The following MYO6 variants were observed in gnomAD, a reference collection of about 807,000 sequenced individuals.
MYO6 encodes the protein unconventional myosin-VI.
In MYO6, 74 loss-of-function variants were observed where a neutral mutation model predicts 178.7. That is an observed-to-expected ratio of 0.41 (90% confidence interval 0.34 to 0.50). The LOEUF (loss-of-function observed/expected upper bound fraction) is 0.50. Among genes scored for constraint, MYO6 ranks in the 20% least tolerant of loss-of-function variants. The pLI is 0.09. For synonymous variants in MYO6, 477 were observed against 504.6 expected, an observed-to-expected ratio of 0.95 and a Z score of 0.73; for missense variants, 1,330 against 1,547.4, an observed-to-expected ratio of 0.86 and a Z score of 2.36.
At chr6:75,749,588 C>A (rs1311365933) in intron 1 of MYO6, among the ~76,000 whole-genome samples, 165 bp downstream of exon 1, 3 of 152,158 alleles carry the variant, frequency 2.0e-5, no homozygotes, top group Admixed American at 6.5e-5. Flanking sequence ...GGGCCCTGGG[C>A]AGCAGTGGGG....
intron 1 of MYO6, among the ~76,000 whole-genome samples, chr6:75,754,861 C>A (rs983280812): frequency 2.0e-5 from 3 of 152,094 alleles, no homozygotes; most frequent in Non-Finnish European, 4.4e-5. Flanking sequence ...TGCATTTGGT[C>A]CTTAAAACAA....
rs1248162413 is a variant in MYO6 at position 75,855,044 on chromosome 6, G to GT, written c.1079-89dup. ...ACAAATAAGCCTTGCCTATTATATG[G>GT]TTTTTTGTAAGTGAAGTATAATTCT... On this transcript the variant is annotated intron_variant, in intron 11 of 34. Transcript: ENST00000369977. 4 of 1,159,756 alleles carry GT rather than the reference G, an allele frequency of 3.4e-6. No individual in the cohort carries two copies. In the South Asian group the frequency reaches 5.5e-5, roughly 16 times the overall value. The allele number at this position is 1,159,756 out of a possible 1,614,324, so 71.8% of individuals were successfully genotyped here. A position where few individuals can be genotyped will look rare whatever the true frequency, so the allele number is the denominator to read the frequency against.
chr6:75,785,378 C>A lies in MYO6; in HGVS notation c.-47-32123C>A, dbSNP rs150477428. 2.0e-5 allele frequency among the ~76,000 whole-genome samples: 3 copies of A among 151,658 alleles called. No homozygotes were observed. The East Asian group carries it at 5.8e-4, about 29-fold the overall frequency. On this transcript the variant is annotated intron_variant, in intron 1 of 34. Transcript: ENST00000369977. ...AGTGTAGTAATTAAGAACACAAGTTCTTAATTTGTCAAATTTATACATCTT... is the reference window on the plus strand; with the variant it reads ...AGTGTAGTAATTAAGAACACAAGTTATTAATTTGTCAAATTTATACATCTT...
At chr6:75,905,233 T>A (rs1461894832) in intron 30 of MYO6, among the ~76,000 whole-genome samples, 1 of 152,216 alleles carries the variant, frequency 6.6e-6, no homozygotes, top group East Asian at 1.9e-4. Context: ...GCAGGCCTTC[T>A]TGAGCTGTGA....
intron 2 of MYO6, among the ~76,000 whole-genome samples, chr6:75,819,019 T>G (rs2150172346): frequency 6.6e-6 from 1 of 152,336 alleles, no homozygotes; most frequent in African/African-American, 2.4e-5. Flanking sequence ...TTTTGTTGTA[T>G]TCACAGGTGA....
chr6:75,796,122 G>C (rs776152434), intron 1 of MYO6, among the ~76,000 whole-genome samples: 2 of 152,108 alleles, frequency 1.3e-5, no homozygotes, highest in Non-Finnish European at 2.9e-5. Context: ...CTGGTGCCCT[G>C]CTTTTGGTGC....
rs869295031 is a variant in MYO6, at chr6:75,790,374, CT to C, written c.-47-27112del. 1.9e-3 allele frequency among the ~76,000 whole-genome samples: 277 copies of C among 142,856 alleles called. 1 individual carries two copies. Among genetic ancestry groups the C allele is most frequent in the African/African-American group, 3.3e-3 (130 of 39,184 alleles). The allele number at this position is 142,856 out of a possible 152,430, so 93.7% of individuals were successfully genotyped here. On this transcript the variant is annotated intron_variant, in intron 1 of 34. Transcript: ENST00000369977. The stretch of plus-strand genomic sequence containing the variant: ...TGTAGGCAGAAATAGTATCTCTCTC[CT>C]TTTTTTTTTTTTTTCTTTTTGAGAT...
rs184801150 is a variant in MYO6, at chr6:75,827,244, A to C, written c.188-1296A>C. 7.0e-4 allele frequency among the ~76,000 whole-genome samples: 106 copies of C among 152,316 alleles called. 1 individual carries two copies. The highest frequency in any genetic ancestry group is 2.3e-3 in the African/African-American group (96 of 41,576). On this transcript the variant is annotated intron_variant, in intron 3 of 34. Coordinates refer to ENST00000369977, the MANE Select transcript of MYO6 (RefSeq NM_004999.4). ...GATAGTAGTTGTAGTGGTGGTGGTGAGAATGGGTAAGTGTCATTTGTAGGG... is the reference window on the plus strand; with the variant it reads ...GATAGTAGTTGTAGTGGTGGTGGTGCGAATGGGTAAGTGTCATTTGTAGGG...
intron 29 of MYO6, among the ~76,000 whole-genome samples, chr6:75,896,095 T>C (rs1779279995): frequency 6.6e-6 from 1 of 152,134 alleles, no homozygotes; most frequent in Non-Finnish European, 1.5e-5. Flanking sequence ...GTATGTTATG[T>C]ATACTACATA....
At chr6:75,757,753 A>G (rs1181664897) in intron 1 of MYO6, among the ~76,000 whole-genome samples, 1 of 152,026 alleles carries the variant, frequency 6.6e-6, no homozygotes, top group African/African-American at 2.4e-5. Flanking sequence ...TTTCTCATCT[A>G]TAAAATGGAA....
chr6:75,824,762 A>AT (rs35925414), intron 3 of MYO6, among the ~76,000 whole-genome samples: 50,731 of 142,074 alleles, frequency 0.36, 9,346 homozygotes, highest in Admixed American at 0.48. Flanking sequence ...TTCGGTCTAA[A>AT]TTTTTTTTTT....
Position 75,908,530 on chromosome 6 carries a change from T to C in MYO6, c.3315T>C (p.Phe1105=). The change falls in exon 32 of 35, where the codon TTT becomes TTC. Residue 1105 remains phenylalanine, a synonymous_variant. Transcript: ENST00000369977. The part of the protein sequence containing the change: ...IELLAACREE[F]HRRLKVYHAW... ...TCCTGGCAGCTTGCAGAGAAGAATT[T>C]CATAGGAGACTAAAAGTGTATCATG... The C allele has an allele frequency of 1.2e-6, 2 of 1,613,642 alleles. No homozygotes were observed. Among genetic ancestry groups the C allele is most frequent in the Non-Finnish European group, 1.7e-6 (2 of 1,179,734 alleles).
chr6:75,776,866 C>T (rs747807362), intron 1 of MYO6, among the ~76,000 whole-genome samples: 2 of 152,010 alleles, frequency 1.3e-5, no homozygotes, highest in Non-Finnish European at 1.5e-5. Flanking sequence ...AGATCTTGTA[C>T]TCCATAAAAT....
chr6:75,855,003 G>C (rs1409660763), intron 11 of MYO6, 136 bp from the exon 12 acceptor site: 5 of 762,366 alleles, frequency 6.6e-6, no homozygotes, highest in Non-Finnish European at 1.1e-5. Context: ...GAAAAAGTGA[G>C]GTAGATTTAA....
intron 1 of MYO6, among the ~76,000 whole-genome samples, chr6:75,814,043 G>A (rs1183969795): frequency 6.6e-6 from 1 of 152,102 alleles, no homozygotes; most frequent in Admixed American, 6.5e-5. Flanking sequence ...CCCCAAACCC[G>A]GTGGCTCTGA....
At chr6:75,776,582 C>G (rs576071056) in intron 1 of MYO6, among the ~76,000 whole-genome samples, 27 of 152,146 alleles carry the variant, frequency 1.8e-4, no homozygotes, top group Non-Finnish European at 2.9e-4. Context: ...AAACTAAGCA[C>G]TACTATCATT....
intron 32 of MYO6, among the ~76,000 whole-genome samples, chr6:75,909,087 G>T (rs1403001441): frequency 6.6e-6 from 1 of 152,148 alleles, no homozygotes; most frequent in East Asian, 1.9e-4. Flanking sequence ...ATGAGGTCTT[G>T]CCATTTTATC....
At chr6:75,893,466 G>C (rs767476181) in intron 28 of MYO6, among the ~76,000 whole-genome samples, 1 of 151,930 alleles carries the variant, frequency 6.6e-6, no homozygotes, top group South Asian at 2.1e-4. Flanking sequence ...ATGCTTTTCC[G>C]AGCTTAAAAG....
At position 75,862,834 on chromosome 6, in the gene MYO6, T is replaced by C. The variant is rs1280526701; in HGVS notation, c.1674+111T>C. 28 of 1,220,358 alleles carry C rather than the reference T, an allele frequency of 2.3e-5. No homozygotes were observed. The East Asian group carries it at 6.6e-4, about 29-fold the overall frequency. The allele number at this position is 1,220,358 out of a possible 1,614,324, so 75.6% of individuals were successfully genotyped here. A position where few individuals can be genotyped will look rare whatever the true frequency, so the allele number is the denominator to read the frequency against. ...ATTAGAATAAAAATTATGGCGTGTATAGAGCAACTATATTATATCCAGCAC... is the reference window on the plus strand; with the variant it reads ...ATTAGAATAAAAATTATGGCGTGTACAGAGCAACTATATTATATCCAGCAC... On this transcript the variant is annotated intron_variant, in intron 16 of 34. Coordinates refer to ENST00000369977, the MANE Select transcript of MYO6 (RefSeq NM_004999.4).
Sources: gnomAD v4.1 joint callset for allele counts (sites outside exome capture counted in the v4.1 genomes callset) on GRCh38, gnomAD v4.1.1 for gene constraint, MANE v1.5 for transcripts, NCBI Gene and HGNC (gene_info 2026-07-23, HGNC 2026-07-21) for gene names.